Variants in MTX3 observed in about 807,000 individuals in gnomAD.
MTX3 encodes metaxin 3.
In MTX3, 27 loss-of-function variants were observed where a neutral mutation model predicts 42.5. That is an observed-to-expected ratio of 0.64 (90% CI 0.47 to 0.88). MTX3 has a LOEUF of 0.88. MTX3 is among the 40% of genes least tolerant of loss of function. The pLI, the probability that MTX3 is intolerant of heterozygous loss-of-function variation, is 0.00. For synonymous variants in MTX3, 144 were observed against 132.9 expected (o/e 1.08, Z -0.57); for missense variants, 378 against 367.0 (o/e 1.03, Z -0.25).
intron 4 of MTX3, among the ~76,000 whole-genome samples, 161 bp downstream of exon 4, chr5:79,988,991 G>T (rs2151143301): frequency 2.0e-5 from 3 of 152,284 alleles, no homozygotes; most frequent in East Asian, 3.9e-4. Flanking sequence ...CATACTAGTT[G>T]AATGCCTAAC....
intron 3 of MTX3, among the ~76,000 whole-genome samples, chr5:79,989,759 A>G (rs890510925): frequency 6.6e-5 from 10 of 152,238 alleles, no homozygotes; most frequent in African/African-American, 2.2e-4. Flanking sequence ...ACATTATTCC[A>G]TAAAACTGCT....
chr5:79,982,664 G>A lies in MTX3; in HGVS notation c.*1020C>T, dbSNP rs1831399137. The stretch of plus-strand genomic sequence containing the variant: ...GTTCCTTTGTATTCTTCGACTATAA[G>A]TGAAACATATGAAAAATAATTGGTT... On this transcript the variant is annotated 3_prime_UTR_variant, in exon 9 of 9. Coordinates refer to ENST00000512528, the MANE Select transcript of MTX3 (RefSeq NM_001363818.2). 4.5e-6 allele frequency: 1 copy of A among 223,306 alleles called. No individual in the cohort carries two copies. The highest frequency in any genetic ancestry group is 9.2e-6 in the Non-Finnish European group (1 of 108,980). The allele number at this position is 223,306 out of a possible 1,614,324, so 13.8% of individuals were successfully genotyped here. A position where few individuals can be genotyped will look rare whatever the true frequency, so the allele number is the denominator to read the frequency against.
In MTX3 at chr5:79,982,492, T is replaced by G. The variant is rs1831395491; in HGVS notation, c.*1192A>C. The G allele has an allele frequency of 2.2e-6, 1 of 448,446 alleles. No homozygotes were observed. Among genetic ancestry groups the G allele is most frequent in the Non-Finnish European group, 4.5e-6 (1 of 223,154 alleles). The allele number at this position is 448,446 out of a possible 1,614,324, so 27.8% of individuals were successfully genotyped here. A position where few individuals can be genotyped will look rare whatever the true frequency, so the allele number is the denominator to read the frequency against. ...AACATGGTTCTACATTTTAAAAACC[T>G]CAGAAGTAGTTTTAGGACAACAGAA... On this transcript the variant is annotated 3_prime_UTR_variant, in exon 9 of 9. Transcript: ENST00000512528.
chr5:79,977,948 T>A lies in MTX3; in HGVS notation c.*5736A>T, dbSNP rs1831289776. ...TGGAAATACAAGTTGGTTCCCTCTGTCTCATGGATGCTTAGGAACTGGGTA... is the reference window on the plus strand; with the variant it reads ...TGGAAATACAAGTTGGTTCCCTCTGACTCATGGATGCTTAGGAACTGGGTA... On this transcript the variant is annotated 3_prime_UTR_variant, in exon 9 of 9. Coordinates refer to ENST00000512528, the MANE Select transcript of MTX3 (RefSeq NM_001363818.2). The A allele has an allele frequency of 5.9e-5, 9 of 152,162 alleles. No individual in the cohort carries two copies. The highest frequency in any genetic ancestry group is 5.9e-4 in the Admixed American group (9 of 15,282). The allele number at this position is 152,162 out of a possible 1,614,324, so 9.4% of individuals were successfully genotyped here. A position where few individuals can be genotyped will look rare whatever the true frequency, so the allele number is the denominator to read the frequency against.
At chr5:79,986,624 C>A (rs2151142008) in intron 7 of MTX3, 1 of 440,106 alleles carries the variant, frequency 2.3e-6, no homozygotes, top group Middle Eastern at 4.3e-4. Context: ...AGGATAAATA[C>A]TGTTTTTCAG....
chr5:79,990,207 C>T lies in MTX3; in HGVS notation c.181G>A (p.Asp61Asn), dbSNP rs762054635. 5.0e-6 allele frequency: 8 copies of T among 1,609,452 alleles called. No individual in the cohort carries two copies. The highest frequency in any genetic ancestry group is 1.7e-6 in the Non-Finnish European group (2 of 1,178,016). Residue 61 changes from aspartate (D) to asparagine (N), a missense_variant, in exon 3 of 9, where the codon GAC becomes AAC. Asp to Asn is a conservative substitution (Grantham distance 23). Coordinates refer to ENST00000512528, the MANE Select transcript of MTX3 (RefSeq NM_001363818.2). ...ATTTTTGCTGGCTGAGAAACCATGT[C>T]GTCTTCAGTTGTCAAAATTGGTACA... is the stretch of plus-strand genomic sequence containing the variant. ...GDVPILTTED[D>N]MVSQPAKILN...
chr5:79,990,484 G>A (rs573411512), intron 2 of MTX3, 110 bp downstream of exon 2: 33 of 765,908 alleles, frequency 4.3e-5, no homozygotes, highest in Non-Finnish European at 6.5e-5. Context: ...CAGAGCCAAG[G>A]TCACGGTAAG....
At chr5:79,987,440 C>CAAAAAAA (rs397884673) in intron 6 of MTX3, among the ~76,000 whole-genome samples, 1 of 85,132 alleles carries the variant, frequency 1.2e-5, no homozygotes, top group Admixed American at 1.3e-4. Flanking sequence ...GACTCCATCT[C>CAAAAAAA]AAAAAAAAAA....
rs1831308742 is a variant in MTX3, at chr5:79,978,662, G to C, written c.*5022C>G. On this transcript the variant is annotated 3_prime_UTR_variant, in exon 9 of 9. Coordinates refer to ENST00000512528, the MANE Select transcript of MTX3 (RefSeq NM_001363818.2). The stretch of plus-strand genomic sequence containing the variant: ...GATGTATAAAATAGAGGTGCTTCTT[G>C]GAGATTTAAAATGCACATTAGCGTA... 1 of 152,144 alleles carries C rather than the reference G, an allele frequency of 6.6e-6. No individual in the cohort carries two copies. Among genetic ancestry groups the C allele is most frequent in the Admixed American group, 6.5e-5 (1 of 15,278 alleles). 9.4% of individuals were successfully genotyped at this position (152,144 alleles called of 1,614,324 possible).
In MTX3 at chr5:79,988,508, G is replaced by T. The variant is rs1444123848; in HGVS notation, c.458C>A (p.Thr153Asn). The part of the protein sequence containing the change: ...SKGALNRILL[T>N]RGQPPLYHLR... ...GTGGTAGAGGGGAGGCTGTCCTCTG[G>T]TCAGGAGAATCCTATTCAGTGCTCC... is the stretch of plus-strand genomic sequence containing the variant. Residue 153 changes from threonine to asparagine, a missense_variant, in exon 5 of 9, where the codon ACC (threonine) becomes AAC (asparagine). Physicochemically the swap from Thr to Asn is moderately conservative, Grantham distance 65. Coordinates refer to ENST00000512528, the MANE Select transcript of MTX3 (RefSeq NM_001363818.2). 2 of 1,613,064 alleles carry T rather than the reference G, an allele frequency of 1.2e-6. No individual in the cohort carries two copies. The highest frequency in any genetic ancestry group is 3.3e-5 in the Admixed American group (2 of 59,892).
Position 79,979,316 on chromosome 5 carries a change from G to A in MTX3, c.*4368C>T, listed in dbSNP as rs773650537. 2.6e-5 allele frequency: 4 copies of A among 152,128 alleles called. No individual in the cohort carries two copies. The highest frequency in any genetic ancestry group is 1.3e-4 in the Admixed American group (2 of 15,272). 9.4% of individuals were successfully genotyped at this position (152,128 alleles called of 1,614,324 possible). On this transcript the variant is annotated 3_prime_UTR_variant, in exon 9 of 9. Transcript: ENST00000512528. ...TTACTGACCTGACCTTTGATTTCACGTAACTAACAACAAATTTCTTTAAAA... is the reference window on the plus strand; with the variant it reads ...TTACTGACCTGACCTTTGATTTCACATAACTAACAACAAATTTCTTTAAAA...
chr5:79,982,389 T>G lies in MTX3; in HGVS notation c.*1295A>C, dbSNP rs1831392520. On this transcript the variant is annotated 3_prime_UTR_variant, in exon 9 of 9. Coordinates refer to ENST00000512528, the MANE Select transcript of MTX3 (RefSeq NM_001363818.2). ...TGAGTCTTTTGACTACAAAGCTCATTTTCTTAACATATGGGTTCCTGCACG... is the reference window on the plus strand; with the variant it reads ...TGAGTCTTTTGACTACAAAGCTCATGTTCTTAACATATGGGTTCCTGCACG... 1 of 456,518 alleles carries G rather than the reference T, an allele frequency of 2.2e-6. No homozygotes were observed. The highest frequency in any genetic ancestry group is 1.5e-5 in the South Asian group (1 of 64,554). The allele number at this position is 456,518 out of a possible 1,614,324, so 28.3% of individuals were successfully genotyped here. A position where few individuals can be genotyped will look rare whatever the true frequency, so the allele number is the denominator to read the frequency against.
At position 79,990,179 on chromosome 5, in the gene MTX3, A is replaced by C; in HGVS notation, c.209T>G (p.Leu70Arg). 6.2e-7 allele frequency: 1 copy of C among 1,609,632 alleles called. No homozygotes were observed. The highest frequency in any genetic ancestry group is 8.5e-7 in the Non-Finnish European group (1 of 1,177,868). ...ACCCACCTGTTTTCTTAAAAAGTTT[A>C]GTATTTTTGCTGGCTGAGAAACCAT... The part of the protein sequence containing the change: ...DDMVSQPAKI[L>R]NFLRKQKYNA... Residue 70 changes from leucine to arginine, a missense_variant, in exon 3 of 9, where the codon CTA becomes CGA. By Grantham distance (102) the Leu-to-Arg change is moderately radical. Coordinates refer to ENST00000512528, the MANE Select transcript of MTX3 (RefSeq NM_001363818.2).
intron 7 of MTX3, 97 bp downstream of exon 7, chr5:79,986,853 T>C: frequency 1.6e-6 from 2 of 1,215,394 alleles, no homozygotes; most frequent in African/African-American, 1.5e-5. Context: ...TTAAAGACAA[T>C]ACACAAACTT....
chr5:79,989,732 T>G (rs1214120093), intron 3 of MTX3, among the ~76,000 whole-genome samples: 1 of 152,234 alleles, frequency 6.6e-6, no homozygotes, highest in Non-Finnish European at 1.5e-5. Context: ...AATTCTCTAC[T>G]GTTAAAACAT....
rs779084786 is a variant in MTX3, at chr5:79,980,812, T to C, written c.*2872A>G. The C allele has an allele frequency of 6.6e-6, 1 of 152,204 alleles. No individual in the cohort carries two copies. Among genetic ancestry groups the C allele is most frequent in the Non-Finnish European group, 1.5e-5 (1 of 68,046 alleles). The allele number at this position is 152,204 out of a possible 1,614,324, so 9.4% of individuals were successfully genotyped here. A position where few individuals can be genotyped will look rare whatever the true frequency, so the allele number is the denominator to read the frequency against. On this transcript the variant is annotated 3_prime_UTR_variant, in exon 9 of 9. Transcript: ENST00000512528. ...CTCAAACTTTATCTAAAACATATCA[T>C]GACAGGCTGGTCCAACAGTCTGTTC...
intron 2 of MTX3, 21 bp from the exon 3 acceptor site, chr5:79,990,257 A>C (rs947057868): frequency 2.0e-6 from 3 of 1,515,776 alleles, no homozygotes; most frequent in Non-Finnish European, 1.8e-6. Context: ...AAAACAGTTT[A>C]CATACAAGGA....
chr5:79,991,067 C>T (rs1230175196), intron 1 of MTX3, 91 bp downstream of exon 1: 2 of 1,313,722 alleles, frequency 1.5e-6, no homozygotes, highest in Non-Finnish European at 2.1e-6. Context: ...CCTCCTGGAC[C>T]CCGCAGCGCA....
At position 79,988,459 on chromosome 5, in the gene MTX3, T is replaced by C. The variant is rs748303151; in HGVS notation, c.504+3A>G. 3 of 1,608,336 alleles carry C rather than the reference T, an allele frequency of 1.9e-6. No individual in the cohort carries two copies. Among genetic ancestry groups the C allele is most frequent in the East Asian group, 2.2e-5 (1 of 44,842 alleles). On this transcript the variant is annotated splice_donor_region_variant and intron_variant, in intron 5 of 8. Transcript: ENST00000512528. Reference sequence around the variant, plus strand: ...CTTGCTTGAAGAATAATCCATACTATACCTGTGCTTCCACTTCTCGGAGGT... The same window carrying C: ...CTTGCTTGAAGAATAATCCATACTACACCTGTGCTTCCACTTCTCGGAGGT...
Sources: allele counts gnomAD v4.1 joint callset (sites outside exome capture counted in the v4.1 genomes callset), GRCh38; gene constraint gnomAD v4.1.1; transcripts MANE v1.5; gene names NCBI Gene and HGNC (gene_info 2026-07-23, HGNC 2026-07-21).